HEATR5B: variants seen among roughly 807,000 people sequenced by gnomAD.
The protein encoded by HEATR5B is HEAT repeat-containing protein 5B.
Under a neutral mutation model 224.1 loss-of-function variants are expected in HEATR5B, and 156 were observed. The observed-to-expected ratio is 0.70, with a 90% CI of 0.61 to 0.80. HEATR5B has a LOEUF of 0.80. Ranked by LOEUF, HEATR5B falls within the 30% of genes least tolerant of loss-of-function variation. The pLI is 0.00. For missense variants in HEATR5B, 2,323 were observed against 2,535.5 expected, an observed-to-expected ratio of 0.92 and a Z score of 1.80; for synonymous variants, 1,027 against 893.0, an observed-to-expected ratio of 1.15 and a Z score of -2.68.
At chr2:37,013,760 T>G in intron 27 of HEATR5B, 81 bp downstream of exon 27, 1 of 1,290,000 alleles carries the variant, frequency 7.8e-7, no homozygotes, top group Non-Finnish European at 1.0e-6. Flanking sequence ...ACAAAAATTT[T>G]TTTACCAACA....
In HEATR5B at chr2:37,004,950, C is replaced by G. The variant is rs566032679; in HGVS notation, c.4905+682G>C. ...TCCCATCTCTTACAAACCAACCTAC[C>G]TCTACGGGCTGACAGAATGATCCTT... On this transcript the variant is annotated intron_variant, in intron 30 of 35. Coordinates refer to ENST00000233099, the MANE Select transcript of HEATR5B (RefSeq NM_019024.3). Among the ~76,000 whole-genome samples the G allele has an allele frequency of 9.2e-5, 14 of 152,248 alleles. No homozygotes were observed. In the South Asian group the frequency reaches 2.9e-3, roughly 32 times the overall value.
intron 22 of HEATR5B, among the ~76,000 whole-genome samples, chr2:37,032,065 T>C (rs894019824): frequency 6.6e-6 from 1 of 152,214 alleles, no homozygotes; most frequent in African/African-American, 2.4e-5. Flanking sequence ...TATTGGCTAC[T>C]TTGGTCTTAC....
Position 36,981,402 on chromosome 2 carries a change from G to A in HEATR5B, c.*88C>T, listed in dbSNP as rs1665571878. 1.0e-6 allele frequency: 1 copy of A among 993,004 alleles called. No homozygotes were observed. The highest frequency in any genetic ancestry group is 1.6e-5 in the African/African-American group (1 of 60,672). The allele number at this position is 993,004 out of a possible 1,614,324, so 61.5% of individuals were successfully genotyped here. On this transcript the variant is annotated 3_prime_UTR_variant, in exon 36 of 36. Coordinates refer to ENST00000233099, the MANE Select transcript of HEATR5B (RefSeq NM_019024.3). ...ATAATACCAATATACAAATAAAACA[G>A]AACCCATAGGTAGCCTGGAATGATA...
rs1429059174 is a variant in HEATR5B at position 37,068,611 on chromosome 2, T to C, written c.1177+70A>G. On this transcript the variant is annotated intron_variant, in intron 8 of 35. Coordinates refer to ENST00000233099, the MANE Select transcript of HEATR5B (RefSeq NM_019024.3). ...GATAAACTAATCAGTCTTATGGATATTTATTAAGAATCATAATAAAGAACT... is the reference window on the plus strand; with the variant it reads ...GATAAACTAATCAGTCTTATGGATACTTATTAAGAATCATAATAAAGAACT... 5 of 1,497,888 alleles carry C rather than the reference T, an allele frequency of 3.3e-6. No individual in the cohort carries two copies. The African/African-American group carries it at 6.9e-5, about 21-fold the overall frequency. 92.8% of individuals were successfully genotyped at this position (1,497,888 alleles called of 1,614,324 possible). A position where few individuals can be genotyped will look rare whatever the true frequency, so the allele number is the denominator to read the frequency against.
chr2:37,037,145 G>GAGATAGATATAGATATATATATATAT, intron 21 of HEATR5B, among the ~76,000 whole-genome samples: 1 of 89,140 alleles, frequency 1.1e-5, no homozygotes, highest in African/African-American at 3.8e-5. Context: ...CTAAAAATGT[G>GAGATAGATATAGATATATATATATAT]ATATATATAT....
chr2:37,006,966 A>G, intron 29 of HEATR5B, 84 bp downstream of exon 29: 1 of 1,375,974 alleles, frequency 7.3e-7, no homozygotes, highest in Middle Eastern at 2.0e-4. Context: ...GCTATACTGT[A>G]CAAAATCTTT....
intron 33 of HEATR5B, among the ~76,000 whole-genome samples, chr2:36,999,796 G>T (rs533485811): frequency 6.6e-6 from 1 of 152,128 alleles, no homozygotes; most frequent in South Asian, 2.1e-4. Flanking sequence ...GGCAGATCAT[G>T]AGATCAGGAG....
At chr2:37,045,925 T>G (rs530665073) in intron 18 of HEATR5B, among the ~76,000 whole-genome samples, 1 of 152,366 alleles carries the variant, frequency 6.6e-6, no homozygotes, top group South Asian at 2.1e-4. Context: ...TATCTGTTTT[T>G]CTAACAATTT....
intron 5 of HEATR5B, among the ~76,000 whole-genome samples, chr2:37,074,410 A>G (rs1265185115): frequency 6.6e-6 from 1 of 152,048 alleles, no homozygotes; most frequent in Admixed American, 6.6e-5. Context: ...ACCTTGCAAC[A>G]TATACAAAAA....
At chr2:37,054,190 CTGTTTTTTTT>C (rs1399310897) in intron 16 of HEATR5B, among the ~76,000 whole-genome samples, 2 of 93,742 alleles carry the variant, frequency 2.1e-5, no homozygotes, top group African/African-American at 9.2e-5. Flanking sequence ...GATGATTTCT[CTGTTTTTTTT>C]TTTTTTTTTT....
rs761141779 is a variant in HEATR5B, at chr2:37,037,966, T to C, written c.3105A>G (p.Thr1035=). 6.3e-7 allele frequency: 1 copy of C among 1,599,986 alleles called. No homozygotes were observed. Among genetic ancestry groups the C allele is most frequent in the Non-Finnish European group, 8.5e-7 (1 of 1,171,122 alleles). Residue 1035 remains threonine, a synonymous_variant, in exon 21 of 36, where the codon ACA becomes ACG. Coordinates refer to ENST00000233099, the MANE Select transcript of HEATR5B (RefSeq NM_019024.3). The stretch of plus-strand genomic sequence containing the variant: ...GAACAAGAGAATCTGAATGGTCTTG[T>C]GTTATTGCACAACCCACCAAACAAG... ...RSSCLVGCAI[T]QDHSDSLVQA... is the part of the protein sequence containing the mutation.
intron 21 of HEATR5B, among the ~76,000 whole-genome samples, chr2:37,036,254 A>T (rs1669467959): frequency 6.6e-6 from 1 of 152,198 alleles, no homozygotes; most frequent in African/African-American, 2.4e-5. Flanking sequence ...CAAAGGTTTT[A>T]TGTATGTAGA....
At chr2:37,050,053 G>A (rs1395960428) in intron 17 of HEATR5B, among the ~76,000 whole-genome samples, 1 of 151,802 alleles carries the variant, frequency 6.6e-6, no homozygotes, top group African/African-American at 2.4e-5. Flanking sequence ...ACCCTGCTGG[G>A]CTAATTTTTA....
chr2:37,048,349 T>C (rs1181025576), intron 18 of HEATR5B, among the ~76,000 whole-genome samples: 1 of 152,114 alleles, frequency 6.6e-6, no homozygotes, highest in Non-Finnish European at 1.5e-5. Flanking sequence ...CATGCCCAGC[T>C]AATTTCTGTA....
Position 36,987,837 on chromosome 2 carries a change from G to A in HEATR5B, c.5911+809C>T, listed in dbSNP as rs1172445248. ...TAATTCTAGCACTTTGAAAGGCCAA[G>A]GCAGGTGGATCGCTTGAGTCCAGGA... On this transcript the variant is annotated intron_variant, in intron 35 of 35. Coordinates refer to ENST00000233099, the MANE Select transcript of HEATR5B (RefSeq NM_019024.3). Among the ~76,000 whole-genome samples, 3 of 152,196 alleles carry A rather than the reference G, an allele frequency of 2.0e-5. No individual in the cohort carries two copies. In the East Asian group the frequency reaches 5.8e-4, roughly 29 times the overall value.
intron 22 of HEATR5B, among the ~76,000 whole-genome samples, chr2:37,031,251 C>T (rs766629122): frequency 1.3e-5 from 2 of 152,084 alleles, no homozygotes; most frequent in Non-Finnish European, 2.9e-5. Flanking sequence ...TACACTGAGT[C>T]CACCCAGGAA....
In HEATR5B at chr2:36,990,751, G is replaced by A. The variant is rs147817576; in HGVS notation, c.5594C>T (p.Ala1865Val). 2.8e-4 allele frequency: 455 copies of A among 1,610,232 alleles called. No homozygotes were observed. Among genetic ancestry groups the A allele is most frequent in the Non-Finnish European group, 3.7e-4 (436 of 1,177,444 alleles). Residue 1865 changes from alanine (A) to valine (V), a missense_variant, in exon 34 of 36, where the codon GCA (alanine) becomes GTA (valine). Coordinates refer to ENST00000233099, the MANE Select transcript of HEATR5B (RefSeq NM_019024.3). ...PDEVSMLTAI[A>V]LFLWSASNEI... ...ATTACTAGCAGACCACAGGAAGAGT[G>A]CAATTGCTGTTAGCATGCTTACTTC...
rs2148496675 is a variant in HEATR5B at position 37,040,253 on chromosome 2, T to C, written c.3046+76A>G. ...GTTATTACAAAATTTCTTCAAGTAA[T>C]GTGATGGTGATATTCAGGAAATTTA... On this transcript the variant is annotated intron_variant, in intron 20 of 35. Transcript: ENST00000233099. 3 of 1,158,828 alleles carry C rather than the reference T, an allele frequency of 2.6e-6. No homozygotes were observed. The East Asian group carries it at 7.0e-5, about 27-fold the overall frequency. The allele number at this position is 1,158,828 out of a possible 1,614,324, so 71.8% of individuals were successfully genotyped here.
At chr2:37,038,075 C>A (rs751549207) in intron 20 of HEATR5B, 51 bp from the exon 21 acceptor site, 3 of 1,178,678 alleles carry the variant, frequency 2.5e-6, no homozygotes, top group Admixed American at 2.8e-5. Context: ...ATTAGTACCA[C>A]CAAAAATATT....
Sources: allele counts gnomAD v4.1 joint callset (sites outside exome capture counted in the v4.1 genomes callset), GRCh38; gene constraint gnomAD v4.1.1; transcripts MANE v1.5; gene names NCBI Gene and HGNC (gene_info 2026-07-23, HGNC 2026-07-21).